The following PHF21B variants were observed in gnomAD, a reference collection of about 807,000 sequenced individuals.
PHF21B encodes PHD finger protein 4.
PHF21B carries 22 observed loss-of-function variants against 62.2 expected under a neutral mutation model. The ratio of observed to expected loss-of-function variants is 0.35; its 90% confidence interval spans 0.25 to 0.51. The LOEUF (loss-of-function observed/expected upper bound fraction) is 0.51, where lower values mean the gene tolerates loss of function less well. Ranked by LOEUF, PHF21B falls within the 20% of genes least tolerant of loss-of-function variation. The pLI is 0.97. For synonymous variants in PHF21B, 341 were observed against 314.7 expected, an observed-to-expected ratio of 1.08 and a Z score of -0.88; for missense variants, 701 against 707.9, an observed-to-expected ratio of 0.99 and a Z score of 0.11.
chr22:44,953,220 C>G (rs1040935017), intron 2 of PHF21B, among the ~76,000 whole-genome samples: 1 of 152,204 alleles, frequency 6.6e-6, no homozygotes, highest in African/African-American at 2.4e-5. Context: ...GGTCTGACTC[C>G]CAAGCCCTGG....
Position 44,891,483 on chromosome 22 carries a change from T to A in PHF21B, c.961-123A>T, listed in dbSNP as rs1210703050. ...CCCACCCAGGGCTCCAGGCTCTGGCTGGACACCCCCTGCCAGGGGCAGAAA... is the reference window on the plus strand; with the variant it reads ...CCCACCCAGGGCTCCAGGCTCTGGCAGGACACCCCCTGCCAGGGGCAGAAA... On this transcript the variant is annotated intron_variant, in intron 7 of 12. Transcript: ENST00000313237. The A allele has an allele frequency of 5.2e-6, 6 of 1,149,050 alleles. 1 individual carries two copies. In the Admixed American group the frequency reaches 1.0e-4, roughly 20 times the overall value. The allele number at this position is 1,149,050 out of a possible 1,614,324, so 71.2% of individuals were successfully genotyped here.
chr22:45,009,672 C>A lies in PHF21B; in HGVS notation c.-123G>T, dbSNP rs2073389749. The A allele has an allele frequency of 4.5e-6, 4 of 880,948 alleles. No individual in the cohort carries two copies. The highest frequency in any genetic ancestry group is 6.4e-6 in the Non-Finnish European group (4 of 625,276). The allele number at this position is 880,948 out of a possible 1,614,324, so 54.6% of individuals were successfully genotyped here. ...CCTCCGGGCTGGGTTGGGGGGGACA[C>A]GAGCCCCCTCCCCCACGGCCGAAAG... is the stretch of plus-strand genomic sequence containing the variant. On this transcript the variant is annotated 5_prime_UTR_variant, in exon 1 of 13. Coordinates refer to ENST00000313237, the MANE Select transcript of PHF21B (RefSeq NM_138415.5). The surrounding 1 kb of genome is among the most constrained non-coding windows in gnomAD (Gnocchi z 5.9).
chr22:44,997,888 C>A (rs2073148894), intron 2 of PHF21B, among the ~76,000 whole-genome samples: 1 of 152,222 alleles, frequency 6.6e-6, no homozygotes, highest in Admixed American at 6.5e-5. Flanking sequence ...ATAACGGAGG[C>A]CCGCCCTTCC....
rs2071874265 is a variant in PHF21B, at chr22:44,937,517, G to A, written c.121-17027C>T. 2.0e-5 allele frequency among the ~76,000 whole-genome samples: 3 copies of A among 152,154 alleles called. No homozygotes were observed. In the South Asian group the frequency reaches 6.2e-4, roughly 32 times the overall value. On this transcript the variant is annotated intron_variant, in intron 2 of 12. Coordinates refer to ENST00000313237, the MANE Select transcript of PHF21B (RefSeq NM_138415.5). ...GTGCGAACACTTCAAAAAATAGTTGGGTCATTTCTTACAAAACTAAACACA... is the reference window on the plus strand; with the variant it reads ...GTGCGAACACTTCAAAAAATAGTTGAGTCATTTCTTACAAAACTAAACACA...
In PHF21B at chr22:44,916,932, AG is replaced by A. The variant is rs150646870; in HGVS notation, c.214-303del. 9.0e-3 allele frequency among the ~76,000 whole-genome samples: 1,367 copies of A among 152,354 alleles called. 19 individuals are homozygous for A. Among genetic ancestry groups the A allele is most frequent in the African/African-American group, 0.03 (1,267 of 41,586 alleles). ...GCTTGGAAGGCAGCGCTTGGGCGCG[AG>A]GGGACAGTCTGTGCAGTGTGACGCC... On this transcript the variant is annotated intron_variant, in intron 3 of 12. Coordinates refer to ENST00000313237, the MANE Select transcript of PHF21B (RefSeq NM_138415.5).
At position 44,961,945 on chromosome 22, in the gene PHF21B, A is replaced by AT. The variant is rs145656480; in HGVS notation, c.121-41456dup. 3.4e-3 allele frequency among the ~76,000 whole-genome samples: 518 copies of AT among 151,912 alleles called. 5 individuals carry two copies. Among genetic ancestry groups the AT allele is most frequent in the African/African-American group, 0.012 (480 of 41,434 alleles). ...ATGTTGTTGCAAAGGGCATTATTTT[A>AT]TTTTTTTTATGGCTGTGTAGTATTC... On this transcript the variant is annotated intron_variant, in intron 2 of 12. Coordinates refer to ENST00000313237, the MANE Select transcript of PHF21B (RefSeq NM_138415.5).
chr22:44,912,671 CTT>C (rs1274903600), intron 5 of PHF21B, among the ~76,000 whole-genome samples: 1 of 151,890 alleles, frequency 6.6e-6, no homozygotes, highest in African/African-American at 2.4e-5. Flanking sequence ...TTGGGTATGT[CTT>C]TATCAGCAGC....
intron 2 of PHF21B, among the ~76,000 whole-genome samples, chr22:44,976,528 C>T (rs1411486943): frequency 6.6e-6 from 1 of 152,252 alleles, no homozygotes; most frequent in Non-Finnish European, 1.5e-5. Flanking sequence ...TTACAATTCA[C>T]ATTTCACAAT....
At chr22:44,894,450 G>A (rs998812974) in intron 6 of PHF21B, among the ~76,000 whole-genome samples, 1 of 152,122 alleles carries the variant, frequency 6.6e-6, no homozygotes, top group Non-Finnish European at 1.5e-5. Flanking sequence ...GTGCACAGGC[G>A]GGACTTGAGC....
rs1031894362 is a variant in PHF21B at position 44,958,027 on chromosome 22, C to G, written c.121-37537G>C. Among the ~76,000 whole-genome samples the G allele has an allele frequency of 2.0e-5, 3 of 152,156 alleles. No individual in the cohort carries two copies. The South Asian group carries it at 6.2e-4, about 32-fold the overall frequency. Reference sequence around the variant, plus strand: ...AAGCGATTCTCCTGCCTCTGCCTCCCGAGTAGCTAGGATTACAGGCATGTG... The same window carrying G: ...AAGCGATTCTCCTGCCTCTGCCTCCGGAGTAGCTAGGATTACAGGCATGTG... On this transcript the variant is annotated intron_variant, in intron 2 of 12. Coordinates refer to ENST00000313237, the MANE Select transcript of PHF21B (RefSeq NM_138415.5).
intron 2 of PHF21B, among the ~76,000 whole-genome samples, chr22:44,987,313 G>GA (rs141789642): frequency 0.068 from 10,296 of 152,118 alleles, 558 homozygotes; most frequent in South Asian, 0.16. Context: ...AGGTGAGAAG[G>GA]AAGGCCAGTG....
At chr22:44,957,857 G>C (rs532817570) in intron 2 of PHF21B, among the ~76,000 whole-genome samples, 2 of 151,616 alleles carry the variant, frequency 1.3e-5, no homozygotes, top group South Asian at 4.2e-4. Flanking sequence ...TTCAGGCCTT[G>C]TGTGTCTAAA....
intron 7 of PHF21B, 84 bp downstream of exon 7, chr22:44,893,373 G>A: frequency 7.4e-7 from 1 of 1,345,414 alleles, no homozygotes; most frequent in Non-Finnish European, 1.0e-6. Flanking sequence ...GAAAGCGAAT[G>A]AGGGAGGCCC....
Position 44,883,170 on chromosome 22 carries a change from A to G in PHF21B, c.1512T>C (p.Pro504=). The stretch of plus-strand genomic sequence containing the variant: ...TCCAGGGCCCGGCCAGCAGTGGGGC[A>G]GGGCTAGTGGTCGTCATGGTGACCT... ...LLQVTMTTTS[P]APLLAGPWTK... Residue 504 remains proline (P), a synonymous_variant, in exon 13 of 13, where the codon CCT becomes CCC. Transcript: ENST00000313237. The G allele has an allele frequency of 6.2e-7, 1 of 1,613,318 alleles. No individual in the cohort carries two copies. Among genetic ancestry groups the G allele is most frequent in the Non-Finnish European group, 8.5e-7 (1 of 1,179,960 alleles).
At chr22:44,894,103 T>C (rs1348083889) in intron 6 of PHF21B, among the ~76,000 whole-genome samples, 7 of 152,242 alleles carry the variant, frequency 4.6e-5, no homozygotes, top group Non-Finnish European at 1.5e-5. Flanking sequence ...TGTGCAGCTG[T>C]GCTAGCGTCT....
chr22:44,913,896 CTG>C lies in PHF21B; in HGVS notation c.755_756del (p.Thr252ArgfsTer89), dbSNP rs762172661. On this transcript the variant is annotated frameshift_variant, in exon 5 of 13. Transcript: ENST00000313237. LOFTEE classifies it high-confidence loss of function. ...PESTAESRPP[T>X]EEPSQGAQAT... ...GCCTGAGCTCCCTGAGATGGCTCCT[CTG>C]TGGGCGGCCGCGACTCTGCCGTGCT... 1 of 1,613,856 alleles carries C rather than the reference CTG, an allele frequency of 6.2e-7. No homozygotes were observed. The highest frequency in any genetic ancestry group is 1.1e-5 in the South Asian group (1 of 91,054).
rs1474026761 is a variant in PHF21B at position 44,891,352 on chromosome 22, C to T, written c.969G>A (p.Arg323=). The T allele has an allele frequency of 6.2e-7, 1 of 1,613,912 alleles. No homozygotes were observed. The highest frequency in any genetic ancestry group is 8.5e-7 in the Non-Finnish European group (1 of 1,179,972). Residue 323 remains arginine (R), a synonymous_variant, in exon 8 of 13, where the codon CGG becomes CGA. Coordinates refer to ENST00000313237, the MANE Select transcript of PHF21B (RefSeq NM_138415.5). The part of the protein sequence containing the change: ...YSGLLETERK[R]LASNYLNNPL... ...GGTTGTTGAGATAGTTGGAGGCCAG[C>T]CGTTTCCTCTGCAGGGACAGAAAAC...
At chr22:44,959,578 G>A (rs577807910) in intron 2 of PHF21B, among the ~76,000 whole-genome samples, 86 of 152,334 alleles carry the variant, frequency 5.6e-4, no homozygotes, top group Non-Finnish European at 8.5e-4. Flanking sequence ...CTCCTACCAC[G>A]GAGAGGAAGC....
At chr22:44,921,746 C>T (rs1037016205) in intron 2 of PHF21B, among the ~76,000 whole-genome samples, 1 of 151,856 alleles carries the variant, frequency 6.6e-6, no homozygotes, top group Non-Finnish European at 1.5e-5. Flanking sequence ...GCAACCTCCG[C>T]CTCCTAGGTT....
Sources: allele counts gnomAD v4.1 joint callset (sites outside exome capture counted in the v4.1 genomes callset), GRCh38; gene constraint gnomAD v4.1.1; non-coding constraint Gnocchi (gnomAD v3.1); transcripts MANE v1.5; gene names NCBI Gene and HGNC (gene_info 2026-07-23, HGNC 2026-07-21).